The following PINX1 variants were observed in gnomAD, a reference collection of about 807,000 sequenced individuals.
PINX1 encodes the protein PIN2/TERF1-interacting telomerase inhibitor 1.
Under a neutral mutation model 25.4 loss-of-function variants are expected in PINX1, and 34 were observed. The ratio of observed to expected loss-of-function variants is 1.34; its 90% CI spans 1.02 to 1.78. The LOEUF (loss-of-function observed/expected upper bound fraction) is 1.78, where lower values mean the gene tolerates loss of function less well. Among genes scored for constraint, PINX1 ranks in the 40% most tolerant of loss-of-function variants. The pLI is 0.00. For missense variants in PINX1, 592 were observed against 404.9 expected (o/e 1.46, Z -3.97); for synonymous variants, 197 against 147.7 (o/e 1.33, Z -2.42).
intron 6 of PINX1, among the ~76,000 whole-genome samples, chr8:10,791,530 T>G (rs977913604): frequency 1.3e-5 from 2 of 152,082 alleles, no homozygotes; most frequent in Non-Finnish European, 2.9e-5. Context: ...GCTGGTAAAC[T>G]CCAACTGAGA....
At chr8:10,823,307 GA>G (rs1347041198) in intron 5 of PINX1, among the ~76,000 whole-genome samples, 4 of 152,074 alleles carry the variant, frequency 2.6e-5, no homozygotes, top group Admixed American at 6.5e-5. Flanking sequence ...AAAGGATTAA[GA>G]AGTCTGCAAG....
intron 4 of PINX1, among the ~76,000 whole-genome samples, chr8:10,830,168 C>T (rs1798185542): frequency 6.6e-6 from 1 of 152,072 alleles, no homozygotes; most frequent in South Asian, 2.1e-4. Flanking sequence ...TAAATTATTG[C>T]CCTTCATATT....
chr8:10,765,639 G>T lies in PINX1; in HGVS notation c.749C>A (p.Ala250Asp). The T allele has an allele frequency of 1.2e-6, 2 of 1,613,894 alleles. No homozygotes were observed. The highest frequency in any genetic ancestry group is 1.7e-6 in the Non-Finnish European group (2 of 1,179,888). Residue 250 changes from alanine (A) to aspartate (D), a missense_variant, in exon 7 of 7, where the codon GCC becomes GAC. Ala to Asp is a moderately radical substitution (Grantham distance 126). Transcript: ENST00000314787. ...PERAEAQERV[A>D]KKKSAPAEEQ... Reference sequence around the variant, plus strand: ...TTCTGCTGGCGCGCTCTTCTTCTTGGCCACTCGCTCCTGGGCCTCGGCCCT... The same window carrying T: ...TTCTGCTGGCGCGCTCTTCTTCTTGTCCACTCGCTCCTGGGCCTCGGCCCT...
chr8:10,810,698 G>A (rs991016182), intron 6 of PINX1, among the ~76,000 whole-genome samples: 3 of 152,212 alleles, frequency 2.0e-5, no homozygotes, highest in Non-Finnish European at 4.4e-5. Flanking sequence ...TACTGTGAAG[G>A]AAAACAAGTA....
chr8:10,776,088 C>G (rs1801384459), intron 6 of PINX1, among the ~76,000 whole-genome samples: 2 of 152,094 alleles, frequency 1.3e-5, no homozygotes, highest in African/African-American at 4.8e-5. Flanking sequence ...CTAGATAAGT[C>G]CATAGCACTC....
rs771409426 is a variant in PINX1 at position 10,765,408 on chromosome 8, G to C, written c.980C>G (p.Ser327Cys). Residue 327 changes from serine (S) to cysteine (C), a missense_variant, in exon 7 of 7, where the codon TCC (serine) becomes TGC (cysteine). Transcript: ENST00000314787. ...GCCCCGGCTGGGAAGGATTCATTTG[G>C]AATCTTTCTTCTTCTTCTTTTTCAC... ...TLVKKKKKKDSK is the reference protein window; with the variant it reads ...TLVKKKKKKDCK The C allele has an allele frequency of 1.9e-6, 3 of 1,600,872 alleles. No homozygotes were observed. Among genetic ancestry groups the C allele is most frequent in the Non-Finnish European group, 2.6e-6 (3 of 1,176,198 alleles).
intron 6 of PINX1, among the ~76,000 whole-genome samples, chr8:10,781,557 C>G (rs778670334): frequency 6.6e-6 from 1 of 152,158 alleles, no homozygotes; most frequent in Non-Finnish European, 1.5e-5. Context: ...AGGTATTTCT[C>G]AAAAGATGAC....
intron 4 of PINX1, 102 bp downstream of exon 4, chr8:10,831,563 T>A: frequency 1.3e-6 from 1 of 741,028 alleles, no homozygotes; most frequent in Non-Finnish European, 2.4e-6. Context: ...CTATACTCAA[T>A]AAATATGTAT....
At chr8:10,803,078 T>C (rs1298474234) in intron 6 of PINX1, among the ~76,000 whole-genome samples, 4 of 152,170 alleles carry the variant, frequency 2.6e-5, no homozygotes, top group Non-Finnish European at 5.9e-5. Context: ...TATTAGTAGA[T>C]TAAAAAAACT....
At chr8:10,768,780 T>A (rs563127613) in intron 6 of PINX1, among the ~76,000 whole-genome samples, 1 of 152,304 alleles carries the variant, frequency 6.6e-6, no homozygotes, top group East Asian at 1.9e-4. Flanking sequence ...GGAGACTCAG[T>A]TTCACTGCAG....
intron 6 of PINX1, among the ~76,000 whole-genome samples, chr8:10,766,967 A>G (rs1209662422): frequency 6.6e-6 from 1 of 152,150 alleles, no homozygotes; most frequent in Non-Finnish European, 1.5e-5. Context: ...ATATGCTCGG[A>G]GTCAAATCAA....
In PINX1 at chr8:10,765,363, G is replaced by A; in HGVS notation, c.*38C>T. Reference sequence around the variant, plus strand: ...GAGGTGTCTGCCCCCGCAGTGCCCTGACAGCTGAGTGGTCGGAAGGCCCCG... The same window carrying A: ...GAGGTGTCTGCCCCCGCAGTGCCCTAACAGCTGAGTGGTCGGAAGGCCCCG... On this transcript the variant is annotated 3_prime_UTR_variant, in exon 7 of 7. Coordinates refer to ENST00000314787, the MANE Select transcript of PINX1 (RefSeq NM_017884.6). 1 of 1,537,308 alleles carries A rather than the reference G, an allele frequency of 6.5e-7. No individual in the cohort carries two copies. The highest frequency in any genetic ancestry group is 8.7e-7 in the Non-Finnish European group (1 of 1,147,380).
chr8:10,787,284 T>G (rs989903272), intron 6 of PINX1, among the ~76,000 whole-genome samples: 1 of 152,070 alleles, frequency 6.6e-6, no homozygotes, highest in Non-Finnish European at 1.5e-5. Flanking sequence ...TGGAGAGCAG[T>G]GGCGCAAACA....
chr8:10,813,896 G>GA (rs894534602), intron 6 of PINX1, among the ~76,000 whole-genome samples: 2 of 143,778 alleles, frequency 1.4e-5, no homozygotes, highest in African/African-American at 5.1e-5. Context: ...GTGGGGGAGG[G>GA]AAAAAAATGA....
intron 4 of PINX1, 81 bp downstream of exon 4, chr8:10,831,584 C>T: frequency 6.1e-6 from 5 of 822,516 alleles, no homozygotes; most frequent in Non-Finnish European, 8.3e-6. Context: ...AATTATGTGT[C>T]AACTAAAAAT....
chr8:10,828,707 T>C (rs1798130931), intron 4 of PINX1, among the ~76,000 whole-genome samples: 1 of 152,184 alleles, frequency 6.6e-6, no homozygotes, highest in African/African-American at 2.4e-5. Flanking sequence ...TTTGTTCACG[T>C]GCACTCATGC....
chr8:10,807,375 A>C (rs1034852442), intron 6 of PINX1, among the ~76,000 whole-genome samples: 2 of 132,710 alleles, frequency 1.5e-5, no homozygotes, highest in Non-Finnish European at 3.1e-5. Context: ...AATTGGAGAC[A>C]AAAGAAAAAT....
intron 6 of PINX1, among the ~76,000 whole-genome samples, chr8:10,788,946 A>C (rs953200147): frequency 2.1e-5 from 3 of 145,056 alleles, no homozygotes; most frequent in African/African-American, 7.5e-5. Context: ...CCTAACAGGA[A>C]TATTATGTAA....
At chr8:10,782,849 C>T (rs10092781) in intron 6 of PINX1, among the ~76,000 whole-genome samples, 57,151 of 151,972 alleles carry the variant, frequency 0.38, 11,552 homozygotes, top group Non-Finnish European at 0.45. Context: ...AATTCACGAA[C>T]AATAAAAAAA....
Sources: gnomAD v4.1 joint callset for allele counts (sites outside exome capture counted in the v4.1 genomes callset) on GRCh38, gnomAD v4.1.1 for gene constraint, MANE v1.5 for transcripts, NCBI Gene and HGNC (gene_info 2026-07-23, HGNC 2026-07-21) for gene names.